USP46: variants seen among roughly 807,000 people sequenced by gnomAD.
USP46 encodes ubiquitin carboxyl-terminal hydrolase 46.
Under a neutral mutation model 44.4 loss-of-function variants are expected in USP46, and 12 were observed. The observed-to-expected ratio is 0.27, with a 90% CI of 0.17 to 0.44. USP46 has a LOEUF of 0.44. USP46 is among the 20% of genes least tolerant of loss of function. The pLI, the probability that USP46 is intolerant of heterozygous loss-of-function variation, is 1.00. For synonymous variants in USP46, 155 were observed against 161.5 expected (o/e 0.96, Z 0.31); for missense variants, 248 against 444.8 (o/e 0.56, Z 3.98).
intron 1 of USP46, among the ~76,000 whole-genome samples, chr4:52,654,505 C>G (rs888566598): frequency 6.6e-6 from 1 of 152,128 alleles, no homozygotes. Flanking sequence ...TTTACTTTCC[C>G]TTTATTTCCA....
Position 52,659,133 on chromosome 4 carries a change from G to A in USP46, c.18C>T (p.Ile6=). The change falls in exon 1 of 9, where the codon ATC becomes ATT. Residue 6 remains isoleucine (I), a synonymous_variant. Coordinates refer to ENST00000441222, the MANE Select transcript of USP46 (RefSeq NM_022832.4). The surrounding 1 kb of genome is among the most constrained non-coding windows in gnomAD (Gnocchi z 4.2). The stretch of plus-strand genomic sequence containing the variant: ...CACTCACCATATTACAGATGGAGGC[G>A]ATGTTTCGGACAGTCATTAGTCTAA... MTVRN[I]ASICNMGTNA... 6.4e-7 allele frequency: 1 copy of A among 1,568,596 alleles called. No homozygotes were observed. The highest frequency in any genetic ancestry group is 8.6e-7 in the Non-Finnish European group (1 of 1,158,612).
chr4:52,598,699 T>G lies in USP46; in HGVS notation c.928A>C (p.Asn310His). 2 of 1,607,334 alleles carry G rather than the reference T, an allele frequency of 1.2e-6. No individual in the cohort carries two copies. Among genetic ancestry groups the G allele is most frequent in the Non-Finnish European group, 1.7e-6 (2 of 1,176,896 alleles). Residue 310 changes from asparagine (N) to histidine (H), a missense_variant, in exon 8 of 9, where the codon AAT becomes CAT. Physicochemically the swap from Asn to His is moderately conservative, Grantham distance 68. Coordinates refer to ENST00000441222, the MANE Select transcript of USP46 (RefSeq NM_022832.4). Reference sequence around the variant, plus strand: ...ACAATAGTGATATAATGCCCACGATTAGGACCACTGGAAAAGAACAAATAA... The same window carrying G: ...ACAATAGTGATATAATGCCCACGATGAGGACCACTGGAAAAGAACAAATAA... ...AVVVHCGSGP[N>H]RGHYITIVKS...
chr4:52,630,839 GA>G (rs1717797059), intron 2 of USP46, among the ~76,000 whole-genome samples: 1 of 151,978 alleles, frequency 6.6e-6, no homozygotes, highest in South Asian at 2.1e-4. Flanking sequence ...AGCATGGGGG[GA>G]AAATGTAAAT....
intron 1 of USP46, chr4:52,656,415 C>CTGGGAGGGACAGTGGGGGCGG (rs1718949761): frequency 4.3e-6 from 2 of 462,424 alleles, no homozygotes; most frequent in Admixed American, 4.3e-5. Flanking sequence ...GGAAGGAAGA[C>CTGGGAGGGACAGTGGGGGCGG]TGGGAGGGAC....
At chr4:52,613,550 C>A (rs972375926) in intron 4 of USP46, among the ~76,000 whole-genome samples, 1 of 151,892 alleles carries the variant, frequency 6.6e-6, no homozygotes. Flanking sequence ...GATAAAGCCC[C>A]GTCTCTACTA....
At chr4:52,645,858 G>A (rs567183413) in intron 1 of USP46, among the ~76,000 whole-genome samples, 37 of 152,226 alleles carry the variant, frequency 2.4e-4, no homozygotes, top group African/African-American at 8.4e-4. Context: ...TCTCATGATA[G>A]TGAGTGAGTT....
intron 1 of USP46, among the ~76,000 whole-genome samples, chr4:52,646,443 G>A (rs1430057078): frequency 1.3e-5 from 2 of 152,114 alleles, no homozygotes; most frequent in African/African-American, 2.4e-5. Context: ...GAAAAAACAT[G>A]AGTAAGTTGT....
intron 7 of USP46, among the ~76,000 whole-genome samples, chr4:52,599,401 G>A (rs1560389455): frequency 6.6e-6 from 1 of 152,072 alleles, no homozygotes; most frequent in Non-Finnish European, 1.5e-5. Context: ...GCCAAAGGAG[G>A]CCAGAGCAGC....
intron 1 of USP46, among the ~76,000 whole-genome samples, chr4:52,648,878 T>C (rs1718652888): frequency 6.6e-6 from 1 of 152,170 alleles, no homozygotes; most frequent in South Asian, 2.1e-4. Flanking sequence ...ACAGATCAAT[T>C]AATATTTTAT....
chr4:52,645,234 A>G (rs892982041), intron 1 of USP46, among the ~76,000 whole-genome samples: 1 of 151,746 alleles, frequency 6.6e-6, no homozygotes, highest in Non-Finnish European at 1.5e-5. Context: ...CAAAAAAAAA[A>G]AAAAAAAAAG....
chr4:52,625,030 C>G (rs1717522186), intron 4 of USP46, among the ~76,000 whole-genome samples: 2 of 152,308 alleles, frequency 1.3e-5, no homozygotes, highest in Admixed American at 1.3e-4. Flanking sequence ...CTGACAAAAG[C>G]TACTACCTCT....
chr4:52,644,530 A>G (rs899089385), intron 1 of USP46, among the ~76,000 whole-genome samples: 1 of 152,104 alleles, frequency 6.6e-6, no homozygotes, highest in South Asian at 2.1e-4. Flanking sequence ...AGATTCTCAT[A>G]GGAGAGTGAA....
intron 3 of USP46, among the ~76,000 whole-genome samples, chr4:52,627,021 T>C (rs929418100): frequency 1.3e-5 from 2 of 152,198 alleles, no homozygotes; most frequent in Non-Finnish European, 2.9e-5. Flanking sequence ...TGAGGGTATG[T>C]GTGAGCAAGC....
chr4:52,626,351 T>A, intron 3 of USP46, 104 bp from the exon 4 acceptor site: 1 of 938,406 alleles, frequency 1.1e-6, no homozygotes, highest in Non-Finnish European at 1.6e-6. Flanking sequence ...TGAGATGGAG[T>A]CTCGCTGTGT....
At chr4:52,623,163 G>A (rs1292554516) in intron 4 of USP46, among the ~76,000 whole-genome samples, 1 of 152,178 alleles carries the variant, frequency 6.6e-6, no homozygotes, top group Non-Finnish European at 1.5e-5. Flanking sequence ...AAGGGAGATA[G>A]AGCAGACAGG....
intron 1 of USP46, among the ~76,000 whole-genome samples, chr4:52,652,681 T>C (rs1452460106): frequency 6.6e-6 from 1 of 152,138 alleles, no homozygotes; most frequent in Non-Finnish European, 1.5e-5. Flanking sequence ...AAAAATACAC[T>C]ATATCTAGTT....
chr4:52,601,190 A>G (rs2109593438), intron 7 of USP46, among the ~76,000 whole-genome samples: 1 of 152,350 alleles, frequency 6.6e-6, no homozygotes, highest in South Asian at 2.1e-4. Context: ...CCCAAGACAG[A>G]ACATAAACCT....
intron 1 of USP46, among the ~76,000 whole-genome samples, chr4:52,632,332 A>G (rs1169012413): frequency 6.6e-6 from 1 of 152,166 alleles, no homozygotes; most frequent in Non-Finnish European, 1.5e-5. Flanking sequence ...TGAGTCTTCT[A>G]GGATTAGGAA....
intron 7 of USP46, among the ~76,000 whole-genome samples, chr4:52,601,242 G>C (rs1192714467): frequency 6.6e-6 from 1 of 152,128 alleles, no homozygotes; most frequent in Non-Finnish European, 1.5e-5. Flanking sequence ...GAATTTTCAA[G>C]ATACTTTTCT....
Sources: allele counts gnomAD v4.1 joint callset (sites outside exome capture counted in the v4.1 genomes callset), GRCh38; gene constraint gnomAD v4.1.1; non-coding constraint Gnocchi (gnomAD v3.1); transcripts MANE v1.5; gene names NCBI Gene and HGNC (gene_info 2026-07-23, HGNC 2026-07-21).